Variants in KIF21B observed in about 807,000 individuals in gnomAD.
KIF21B encodes kinesin family member 21B, also known as kinesin-like protein KIF21B.
In KIF21B, 85 loss-of-function variants were observed where a neutral mutation model predicts 192.9. The ratio of observed to expected loss-of-function variants is 0.44; its 90% confidence interval spans 0.37 to 0.53. KIF21B has a LOEUF of 0.53. Among genes scored for constraint, KIF21B ranks in the 20% least tolerant of loss-of-function variants. The pLI, the probability that KIF21B is intolerant of heterozygous loss-of-function variation, is 0.00. For missense variants in KIF21B, 1,716 were observed against 2,194.8 expected (o/e 0.78, Z 4.36); for synonymous variants, 832 against 884.6 (o/e 0.94, Z 1.05).
chr1:200,999,577 C>A lies in KIF21B; in HGVS notation c.1768-111G>T. On this transcript the variant is annotated intron_variant, in intron 12 of 34. Coordinates refer to ENST00000461742, the MANE Select transcript of KIF21B (RefSeq NM_001252102.2). The surrounding 1 kb of genome is among the most constrained non-coding windows in gnomAD (Gnocchi z 4.7). ...TGTGTCAGGAGGGTGGGGATTGGGG[C>A]AGGCCACAGCTGAGCCCCCCTGCCC... 6.5e-7 allele frequency: 1 copy of A among 1,533,800 alleles called. No individual in the cohort carries two copies. Among genetic ancestry groups the A allele is most frequent in the South Asian group, 1.3e-5 (1 of 79,870 alleles).
intron 1 of KIF21B, among the ~76,000 whole-genome samples, chr1:201,010,158 GC>G: frequency 6.6e-6 from 1 of 152,338 alleles, no homozygotes; most frequent in East Asian, 1.9e-4. Context: ...CAGACCAGGA[GC>G]CCCCTTCCCA....
In KIF21B at chr1:200,974,728, G is replaced by C; in HGVS notation, c.4800C>G (p.Ile1600Met). The change falls in exon 34 of 35, where the codon ATC (isoleucine) becomes ATG (methionine). Residue 1600 changes from isoleucine to methionine, a missense_variant. Transcript: ENST00000461742. The part of the protein sequence containing the change: ...INAICTNAKH[I>M]FTASSDLTVK... ...CCAGCACCCACCTGGAGGCTGTGAA[G>C]ATATGCTTGGCATTGGTGCAGATGG... 6.2e-7 allele frequency: 1 copy of C among 1,614,190 alleles called. No individual in the cohort carries two copies. The highest frequency in any genetic ancestry group is 1.1e-5 in the South Asian group (1 of 91,088).
intron 1 of KIF21B, among the ~76,000 whole-genome samples, chr1:201,019,414 A>G (rs887720315): frequency 6.6e-6 from 1 of 152,176 alleles, no homozygotes; most frequent in Non-Finnish European, 1.5e-5. Flanking sequence ...GGCCCACAAA[A>G]GACAAACAGG....
In KIF21B at chr1:201,000,544, C is replaced by G; in HGVS notation, c.1531G>C (p.Ala511Pro). The G allele has an allele frequency of 6.2e-7, 1 of 1,613,126 alleles. No individual in the cohort carries two copies. Among genetic ancestry groups the G allele is most frequent in the African/African-American group, 1.3e-5 (1 of 75,036 alleles). The part of the protein sequence containing the change: ...SLRRSLSRAS[A>P]RSPYSLGASP... ...GCACCCAGGGAGTAGGGGCTCCTAG[C>G]CGAGGCCCGTGAGAGGCTGCGGCGC... The change falls in exon 11 of 35, where the codon GCT (alanine) becomes CCT (proline). Residue 511 changes from alanine to proline, a missense_variant. Physicochemically the swap from Ala to Pro is conservative, Grantham distance 27. This residue lies in a region of KIF21B where 1,087 missense variants were observed against 1,316.6 expected (regional missense o/e 0.83). Coordinates refer to ENST00000461742, the MANE Select transcript of KIF21B (RefSeq NM_001252102.2). This position sits in a 1 kb window ranked among gnomAD's most constrained non-coding sequence, Gnocchi z 6.0.
intron 1 of KIF21B, among the ~76,000 whole-genome samples, chr1:201,016,511 C>T (rs572021164): frequency 1.3e-5 from 2 of 152,320 alleles, no homozygotes; most frequent in East Asian, 1.9e-4. Flanking sequence ...CTGGGGAAGG[C>T]GGCTGGAAGC....
chr1:201,007,116 G>A (rs28529135), intron 3 of KIF21B, among the ~76,000 whole-genome samples: 291 of 25,586 alleles, frequency 0.011, no homozygotes, highest in Middle Eastern at 0.038. Flanking sequence ...ACACACACAC[G>A]CAGACACCCA....
rs1408700040 is a variant in KIF21B, at chr1:200,988,170, C to T, written c.3408+126G>A. ...ATTCCAGACTAAATTTTCTTGGCAC[C>T]TCCCTCCCAGCTGGGGACAACATTG... On this transcript the variant is annotated intron_variant, in intron 24 of 34. Transcript: ENST00000461742. 5.1e-6 allele frequency: 5 copies of T among 974,470 alleles called. No homozygotes were observed. The Admixed American group carries it at 5.4e-5, about 11-fold the overall frequency. The allele number at this position is 974,470 out of a possible 1,614,324, so 60.4% of individuals were successfully genotyped here. A position where few individuals can be genotyped will look rare whatever the true frequency, so the allele number is the denominator to read the frequency against.
At position 200,971,019 on chromosome 1, in the gene KIF21B, C is replaced by T. The variant is rs1464500074; in HGVS notation, c.*2502G>A. ...TTGGACAGAGCCAACGTGGGGGGAT[C>T]CTCCCGGGCCTGGGCCTGTCAAGTC... is the stretch of plus-strand genomic sequence containing the variant. On this transcript the variant is annotated 3_prime_UTR_variant, in exon 35 of 35. Transcript: ENST00000461742. 1 of 152,888 alleles carries T rather than the reference C, an allele frequency of 6.5e-6. No homozygotes were observed. Among genetic ancestry groups the T allele is most frequent in the Admixed American group, 6.5e-5 (1 of 15,292 alleles). The allele number at this position is 152,888 out of a possible 1,614,324, so 9.5% of individuals were successfully genotyped here.
At position 200,990,927 on chromosome 1, in the gene KIF21B, G is replaced by A. The variant is rs1212624082; in HGVS notation, c.2677C>T (p.Arg893Cys). The change falls in exon 18 of 35, where the codon CGT becomes TGT. Residue 893 changes from arginine (R) to cysteine (C), a missense_variant. Arg to Cys is a radical substitution (Grantham distance 180, BLOSUM62 -3). Coordinates refer to ENST00000461742, the MANE Select transcript of KIF21B (RefSeq NM_001252102.2). The surrounding 1 kb of genome is among the most constrained non-coding windows in gnomAD (Gnocchi z 5.4). ...GCCAGTCCACCTTACCGGGCAGGAC[G>A]GGTGCCATTGACAGTGGGCGCAGGA... ...DHPAPTVNGT[R>C]PARKKFQKKG... The A allele has an allele frequency of 8.1e-6, 13 of 1,613,992 alleles. No individual in the cohort carries two copies. The highest frequency in any genetic ancestry group is 4.2e-6 in the Non-Finnish European group (5 of 1,180,028).
chr1:200,996,130 G>T, intron 15 of KIF21B, 66 bp downstream of exon 15: 1 of 1,420,764 alleles, frequency 7.0e-7, no homozygotes, highest in Non-Finnish European at 9.9e-7. Context: ...TTTTACGATG[G>T]TGAGTGGATT....
At position 200,979,600 on chromosome 1, in the gene KIF21B, G is replaced by A. The variant is rs553494549; in HGVS notation, c.4095C>T (p.Ser1365=). The A allele has an allele frequency of 3.1e-5, 49 of 1,591,960 alleles. No homozygotes were observed. Among genetic ancestry groups the A allele is most frequent in the Middle Eastern group, 3.3e-4 (2 of 6,024 alleles). Residue 1365 remains serine (S), a synonymous_variant, in exon 30 of 35, where the codon TCC becomes TCT. Coordinates refer to ENST00000461742, the MANE Select transcript of KIF21B (RefSeq NM_001252102.2). ...KYCSHSGLVF[S]VSTSYIKVWD... is the part of the protein sequence containing the mutation. ...ACACCTTGATGTAGGAGGTGGACAC[G>A]GAGAACACAAGCCCCGAGTGGCTGC...
At chr1:200,977,125 A>T in intron 31 of KIF21B, 87 bp downstream of exon 31, 4 of 1,499,212 alleles carry the variant, frequency 2.7e-6, no homozygotes, top group Middle Eastern at 1.9e-4. Flanking sequence ...GGTCCTACCC[A>T]CCCTGGGGTG....
chr1:200,973,255 G>T lies in KIF21B; in HGVS notation c.*266C>A. 2 of 412,368 alleles carry T rather than the reference G, an allele frequency of 4.9e-6. No homozygotes were observed. Among genetic ancestry groups the T allele is most frequent in the Admixed American group, 4.5e-5 (1 of 22,036 alleles). 25.5% of individuals were successfully genotyped at this position (412,368 alleles called of 1,614,324 possible). ...GACAATGTGGCCACGACTGCCAGGAGGGGAACAAGAAGGGATAATGCCCTT... is the reference window on the plus strand; with the variant it reads ...GACAATGTGGCCACGACTGCCAGGATGGGAACAAGAAGGGATAATGCCCTT... On this transcript the variant is annotated 3_prime_UTR_variant, in exon 35 of 35. Coordinates refer to ENST00000461742, the MANE Select transcript of KIF21B (RefSeq NM_001252102.2).
Position 201,005,979 on chromosome 1 carries a change from G to A in KIF21B, c.448-285C>T, listed in dbSNP as rs146594320. On this transcript the variant is annotated intron_variant, in intron 3 of 34. Coordinates refer to ENST00000461742, the MANE Select transcript of KIF21B (RefSeq NM_001252102.2). ...GGACCAAAAGAGGACAAAGGGACAC[G>A]GGTCCCAGATGTAGGAGATAAGGAA... 9.2e-5 allele frequency among the ~76,000 whole-genome samples: 14 copies of A among 152,364 alleles called. No homozygotes were observed. In the East Asian group the frequency reaches 1.7e-3, roughly 19 times the overall value.
chr1:200,983,768 G>A (rs1656106760), intron 27 of KIF21B, among the ~76,000 whole-genome samples: 1 of 152,208 alleles, frequency 6.6e-6, no homozygotes, highest in Non-Finnish European at 1.5e-5. Context: ...GGCTAGGAGT[G>A]ATCCATGGCT....
chr1:200,987,069 A>G lies in KIF21B; in HGVS notation c.3541T>C (p.Phe1181Leu). Residue 1181 changes from phenylalanine to leucine, a missense_variant, in exon 25 of 35, where the codon TTC (phenylalanine) becomes CTC (leucine). By Grantham distance (22) the Phe-to-Leu change is conservative (BLOSUM62 0). This residue lies in a region of KIF21B where 580 missense variants were observed against 775.5 expected (regional missense o/e 0.75). Transcript: ENST00000461742. The stretch of plus-strand genomic sequence containing the variant: ...CGGTAATAGGGGTCTCGGACAGAGA[A>G]GCCCACTCCGTCCTCTTTGATCTCA... ...LVEIKEDGVGFSVRDPYYRDR... is the reference protein window; with the variant it reads ...LVEIKEDGVGLSVRDPYYRDR... 2 of 1,614,002 alleles carry G rather than the reference A, an allele frequency of 1.2e-6. No individual in the cohort carries two copies. The highest frequency in any genetic ancestry group is 1.1e-5 in the South Asian group (1 of 91,060).
At chr1:201,005,991 T>C (rs1319214003) in intron 3 of KIF21B, among the ~76,000 whole-genome samples, 2 of 152,152 alleles carry the variant, frequency 1.3e-5, no homozygotes, top group Non-Finnish European at 2.9e-5. Flanking sequence ...GTCCCAGATG[T>C]AGGAGATAAG....
At chr1:200,996,517 T>A (rs1657080998) in intron 14 of KIF21B, 122 bp from the exon 15 acceptor site, 1 of 806,454 alleles carries the variant, frequency 1.2e-6, no homozygotes, top group Non-Finnish European at 2.0e-6. Context: ...CTTGGGCAAG[T>A]CACACCCCTC....
At position 201,000,275 on chromosome 1, in the gene KIF21B, G is replaced by A. The variant is rs956937010; in HGVS notation, c.1685+115C>T. On this transcript the variant is annotated intron_variant, in intron 11 of 34. Coordinates refer to ENST00000461742, the MANE Select transcript of KIF21B (RefSeq NM_001252102.2). The surrounding 1 kb of genome is among the most constrained non-coding windows in gnomAD (Gnocchi z 6.0). ...CAATACTGAGGCAGCCCCTGGGGCT[G>A]GGGGCGTGGAGGTTCCCTCCTAAAC... The A allele has an allele frequency of 9.2e-7, 1 of 1,083,242 alleles. No individual in the cohort carries two copies. The highest frequency in any genetic ancestry group is 2.3e-5 in the Admixed American group (1 of 43,338). The allele number at this position is 1,083,242 out of a possible 1,614,324, so 67.1% of individuals were successfully genotyped here.
Sources: gnomAD v4.1 joint callset for allele counts (sites outside exome capture counted in the v4.1 genomes callset) on GRCh38, gnomAD v4.1.1 for gene constraint, gnomAD v4.1.1 regional missense constraint, Gnocchi (gnomAD v3.1) non-coding constraint, MANE v1.5 for transcripts, NCBI Gene and HGNC (gene_info 2026-07-23, HGNC 2026-07-21) for gene names.